The following HTR2C variants were observed in gnomAD, a reference collection of about 807,000 sequenced individuals.
HTR2C encodes 5-hydroxytryptamine (serotonin) receptor 2C, G protein-coupled.
HTR2C carries 5 observed loss-of-function variants against 21.0 expected under a neutral mutation model. The observed-to-expected ratio is 0.24, with a 90% CI of 0.12 to 0.50. HTR2C has a LOEUF of 0.50. Among genes scored for constraint, HTR2C ranks in the 20% least tolerant of loss-of-function variants. HTR2C has a pLI of 0.98. For missense variants in HTR2C, 271 were observed against 371.2 expected (o/e 0.73, Z 2.22); for synonymous variants, 150 against 145.3 (o/e 1.03, Z -0.23).
chrX:114,615,081 A>G (rs1439741644), intron 2 of HTR2C, among the ~76,000 whole-genome samples: 2 of 111,854 alleles, frequency 1.8e-5, no homozygotes, highest in Non-Finnish European at 3.8e-5. Flanking sequence ...AAAGAAGTGA[A>G]AAGTCGAAGT....
At chrX:114,724,439 A>T (rs1289402148) in intron 2 of HTR2C, among the ~76,000 whole-genome samples, 69 of 101,791 alleles carry the variant, frequency 6.8e-4, no homozygotes, top group Non-Finnish European at 1.1e-3. Flanking sequence ...TCCTGAATGC[A>T]ACACACTGAT....
intron 2 of HTR2C, among the ~76,000 whole-genome samples, chrX:114,656,689 A>G (rs1415490115): frequency 4.5e-5 from 5 of 111,149 alleles, no homozygotes; most frequent in East Asian, 2.8e-4. Context: ...ATTGTCAAAT[A>G]TAAAAGTAGT....
At chrX:114,618,441 T>A (rs2147808690) in intron 2 of HTR2C, among the ~76,000 whole-genome samples, 1 of 112,469 alleles carries the variant, frequency 8.9e-6, no homozygotes, top group South Asian at 3.6e-4. Flanking sequence ...ATTGACTTTT[T>A]AAATTATACA....
intron 5 of HTR2C, among the ~76,000 whole-genome samples, chrX:114,867,004 TTTGGG>T (rs2071050932): frequency 8.9e-6 from 1 of 112,003 alleles, no homozygotes; most frequent in African/African-American, 3.2e-5. Context: ...TTTCCTTTCT[TTTGGG>T]TATGTACCTG....
chrX:114,626,807 T>G (rs1467756102), intron 2 of HTR2C, among the ~76,000 whole-genome samples: 1 of 112,130 alleles, frequency 8.9e-6, no homozygotes, highest in African/African-American at 3.2e-5. Flanking sequence ...CATAATTCAC[T>G]GATTGAGATT....
intron 2 of HTR2C, among the ~76,000 whole-genome samples, chrX:114,688,331 A>G (rs193028631): frequency 2.9e-4 from 32 of 109,504 alleles, no homozygotes; most frequent in African/African-American, 1.1e-3. Flanking sequence ...AAAAAAAAAA[A>G]AAAAGAAAAG....
At chrX:114,653,704 C>G (rs1556408891) in intron 2 of HTR2C, among the ~76,000 whole-genome samples, 2 of 110,446 alleles carry the variant, frequency 1.8e-5, no homozygotes, top group Admixed American at 2.0e-4. Context: ...ATTATGCAGG[C>G]TTTGTTCACC....
chrX:114,661,951 A>G (rs960639718), intron 2 of HTR2C, among the ~76,000 whole-genome samples: 1 of 112,074 alleles, frequency 8.9e-6, no homozygotes, highest in African/African-American at 3.2e-5. Context: ...TCTTGCTGCC[A>G]ACTGGTTAGC....
chrX:114,732,747 G>A (rs1229617292), intron 4 of HTR2C, among the ~76,000 whole-genome samples: 5 of 111,310 alleles, frequency 4.5e-5, no homozygotes, highest in Non-Finnish European at 9.4e-5. Context: ...CTGGAATGAA[G>A]TGAAACTATG....
intron 4 of HTR2C, among the ~76,000 whole-genome samples, chrX:114,831,744 T>C (rs1455256347): frequency 1.2e-4 from 13 of 106,829 alleles, no homozygotes; most frequent in African/African-American, 4.4e-4. Context: ...TGCCATTGCT[T>C]TTGATGTTTT....
chrX:114,830,178 G>A (rs1205102216), intron 4 of HTR2C, among the ~76,000 whole-genome samples: 2 of 111,108 alleles, frequency 1.8e-5, no homozygotes, highest in Non-Finnish European at 3.8e-5. Context: ...ACTATAGATG[G>A]GCAATTTAAT....
chrX:114,764,048 T>A (rs2147381930), intron 4 of HTR2C, among the ~76,000 whole-genome samples: 1 of 111,924 alleles, frequency 8.9e-6, no homozygotes, highest in East Asian at 2.8e-4. Flanking sequence ...TTCTTATATC[T>A]AGAGTCTTCT....
intron 1 of HTR2C, among the ~76,000 whole-genome samples, chrX:114,594,221 T>C (rs1462248819): frequency 8.9e-6 from 1 of 111,768 alleles, no homozygotes; most frequent in Non-Finnish European, 1.9e-5. Flanking sequence ...GATTAAGCCA[T>C]ATCTTATAGT....
chrX:114,702,025 AAACG>A (rs1185507564), intron 2 of HTR2C, among the ~76,000 whole-genome samples: 1 of 109,303 alleles, frequency 9.1e-6, no homozygotes, highest in African/African-American at 3.3e-5. Flanking sequence ...GAATAAAGAG[AAACG>A]AACAAAGCCT....
intron 4 of HTR2C, among the ~76,000 whole-genome samples, chrX:114,827,701 T>C (rs1556459001): frequency 3.6e-5 from 4 of 110,961 alleles, no homozygotes; most frequent in Non-Finnish European, 3.8e-5. Context: ...GTTCCTAGTT[T>C]CCCTTCACCT....
intron 5 of HTR2C, among the ~76,000 whole-genome samples, chrX:114,860,076 T>C (rs1195246652): frequency 3.6e-5 from 4 of 111,514 alleles, no homozygotes; most frequent in Middle Eastern, 4.2e-3. Flanking sequence ...TTGGCCAGCA[T>C]ATGGTTTACA....
At chrX:114,700,830 C>T (rs956073646) in intron 2 of HTR2C, among the ~76,000 whole-genome samples, 1 of 112,341 alleles carries the variant, frequency 8.9e-6, no homozygotes, top group Non-Finnish European at 1.9e-5. Flanking sequence ...ACAGACGGCA[C>T]CTGGAAAATC....
chrX:114,621,754 A>C (rs1929173782), intron 2 of HTR2C, among the ~76,000 whole-genome samples: 1 of 112,130 alleles, frequency 8.9e-6, no homozygotes, highest in South Asian at 3.7e-4. Context: ...TCTGAACTGA[A>C]AGCAATGGAT....
intron 2 of HTR2C, among the ~76,000 whole-genome samples, chrX:114,621,472 T>C (rs181493812): frequency 1.0e-3 from 117 of 112,183 alleles, no homozygotes; most frequent in African/African-American, 3.6e-3. Flanking sequence ...TTTATCTTTT[T>C]GTATTTTTTC....
Sources: gnomAD v4.1 joint callset for allele counts (sites outside exome capture counted in the v4.1 genomes callset) on GRCh38, gnomAD v4.1.1 for gene constraint, MANE v1.5 for transcripts, NCBI Gene and HGNC (gene_info 2026-07-23, HGNC 2026-07-21) for gene names.